NME9: variants seen among roughly 807,000 people sequenced by gnomAD.
NME9 encodes the protein thioredoxin domain-containing protein 6.
In NME9, 48 loss-of-function variants were observed where a neutral mutation model predicts 44.4. The observed-to-expected ratio is 1.08, with a 90% confidence interval of 0.86 to 1.37. NME9 has a LOEUF of 1.37. NME9 is among the 40% of genes most tolerant of loss of function. The pLI is 0.00. For synonymous variants in NME9, 139 were observed against 147.1 expected (o/e 0.94, Z 0.40); for missense variants, 325 against 405.2 (o/e 0.80, Z 1.70).
Position 138,280,564 on chromosome 3 carries a change from G to A in NME9, c.746-17978C>T, listed in dbSNP as rs1180745303. On this transcript the variant is annotated intron_variant, in intron 8 of 8. Coordinates refer to the NME9 transcript ENST00000317876. ...GCTGGAGTGCAGTGGTGTGATCTCG[G>A]CTCACTGCAAGCTCCGTCTTCCGGG... 2.0e-5 allele frequency among the ~76,000 whole-genome samples: 3 copies of A among 151,430 alleles called. No individual in the cohort carries two copies. The East Asian group carries it at 5.8e-4, about 29-fold the overall frequency.
chr3:138,276,612 T>C (rs2049321046), intron 8 of NME9, among the ~76,000 whole-genome samples: 1 of 152,210 alleles, frequency 6.6e-6, no homozygotes, highest in South Asian at 2.1e-4. Flanking sequence ...AAGGCAGTTG[T>C]ATTTTTATAT....
intron 8 of NME9, among the ~76,000 whole-genome samples, chr3:138,271,798 C>CTTTCTTTT (rs1018824241): frequency 1.2e-4 from 17 of 136,134 alleles, no homozygotes; most frequent in African/African-American, 3.7e-4. Context: ...TTTTTTCTTT[C>CTTTCTTTT]TTTTTTTTTT....
chr3:138,327,480 A>G (rs1041840209), intron 1 of NME9, among the ~76,000 whole-genome samples: 3 of 152,152 alleles, frequency 2.0e-5, no homozygotes, highest in Admixed American at 2.0e-4. Context: ...CAGCCCTGGG[A>G]GCCAGGCAAG....
intron 6 of NME9, among the ~76,000 whole-genome samples, chr3:138,309,314 AAG>A (rs1491377172): frequency 5.3e-5 from 8 of 151,678 alleles, no homozygotes; most frequent in Non-Finnish European, 1.0e-4. Flanking sequence ...AAAAAAAAAA[AAG>A]AAGGAATGCC....
chr3:138,278,248 C>T (rs1461053812), intron 8 of NME9, among the ~76,000 whole-genome samples: 2 of 151,992 alleles, frequency 1.3e-5, no homozygotes, highest in East Asian at 1.9e-4. Context: ...TGGCTCACAC[C>T]GTGATCCCAG....
intron 8 of NME9, chr3:138,263,861 T>C (rs367886678): frequency 1.9e-6 from 3 of 1,567,538 alleles, no homozygotes; most frequent in South Asian, 1.1e-5. Context: ...CCTTTTGCCA[T>C]ATATTTAACC....
intron 8 of NME9, among the ~76,000 whole-genome samples, chr3:138,291,385 T>G (rs1040974586): frequency 7.2e-5 from 11 of 152,232 alleles, no homozygotes; most frequent in Non-Finnish European, 1.3e-4. Flanking sequence ...CATTTACACA[T>G]TCTGTTCCAT....
At chr3:138,279,565 G>C (rs1321097269) in intron 8 of NME9, among the ~76,000 whole-genome samples, 1 of 152,116 alleles carries the variant, frequency 6.6e-6, no homozygotes, top group Non-Finnish European at 1.5e-5. Flanking sequence ...GGGGAATGAG[G>C]TGGAGGTGTT....
intron 8 of NME9, among the ~76,000 whole-genome samples, chr3:138,285,156 C>T (rs2050285704): frequency 6.6e-6 from 1 of 152,218 alleles, no homozygotes. Context: ...CACAGCTCCT[C>T]CTAGTGTCCT....
chr3:138,287,026 G>GC (rs1276329797), intron 8 of NME9, among the ~76,000 whole-genome samples: 1 of 152,030 alleles, frequency 6.6e-6, no homozygotes, highest in East Asian at 1.9e-4. Context: ...CATCACCACT[G>GC]CCCCCACCCT....
chr3:138,288,246 C>T (rs2050610850), intron 8 of NME9, among the ~76,000 whole-genome samples: 1 of 152,184 alleles, frequency 6.6e-6, no homozygotes, highest in African/African-American at 2.4e-5. Flanking sequence ...TATTCACTTT[C>T]TTCCCCAAAG....
intron 2 of NME9, chr3:138,324,604 T>C: frequency 1.8e-6 from 1 of 555,504 alleles, no homozygotes; most frequent in Non-Finnish European, 3.4e-6. Context: ...CCTGAAGTAA[T>C]TAGAAGAGGT....
intron 8 of NME9, chr3:138,284,592 T>C: frequency 1.7e-6 from 2 of 1,189,098 alleles, no homozygotes; most frequent in Non-Finnish European, 1.2e-6. Context: ...TAACTCAAAA[T>C]AAATTGTGCA....
chr3:138,266,843 C>A (rs2048330573), intron 8 of NME9, among the ~76,000 whole-genome samples: 1 of 152,212 alleles, frequency 6.6e-6, no homozygotes, highest in Admixed American at 6.5e-5. Context: ...TCACTTACCC[C>A]AGAGCAGTCC....
intron 6 of NME9, among the ~76,000 whole-genome samples, chr3:138,313,045 T>C (rs1309226302): frequency 6.6e-6 from 1 of 152,002 alleles, no homozygotes; most frequent in Non-Finnish European, 1.5e-5. Flanking sequence ...ATGCAAATCA[T>C]AAAATCACAA....
intron 8 of NME9, among the ~76,000 whole-genome samples, chr3:138,275,210 G>A (rs757065273): frequency 6.6e-6 from 1 of 152,158 alleles, no homozygotes; most frequent in South Asian, 2.1e-4. Context: ...AGATACTGGC[G>A]ATCTTCAGTT....
intron 8 of NME9, chr3:138,264,307 G>C (rs2048040206): frequency 2.3e-6 from 2 of 859,522 alleles, no homozygotes; most frequent in Admixed American, 2.2e-5. Context: ...GAGTATGTCT[G>C]ATTTTTGTGT....
chr3:138,299,903 G>T (rs1472768983), downstream of NME9, among the ~76,000 whole-genome samples: 4 of 152,184 alleles, frequency 2.6e-5, no homozygotes, highest in African/African-American at 7.2e-5. Flanking sequence ...TCAGATGGCT[G>T]TCAGCTGGGT....
downstream of NME9, chr3:138,296,276 A>ATG (rs927729682): frequency 1.2e-5 from 2 of 164,852 alleles, no homozygotes; most frequent in African/African-American, 2.4e-5. Context: ...GAATGAATGG[A>ATG]TGTGTGTGTG....
Sources: gnomAD v4.1 joint callset for allele counts (sites outside exome capture counted in the v4.1 genomes callset) on GRCh38, gnomAD v4.1.1 for gene constraint, MANE v1.5 for transcripts, NCBI Gene and HGNC (gene_info 2026-07-23, HGNC 2026-07-21) for gene names.